Variants in EIPR1 observed in about 807,000 individuals in gnomAD.
EIPR1 encodes EARP and GARP complex-interacting protein 1.
Under a neutral mutation model 48.1 loss-of-function variants are expected in EIPR1, and 25 were observed. The observed-to-expected ratio is 0.52, with a 90% CI of 0.38 to 0.73. The LOEUF is 0.73. Ranked by LOEUF, EIPR1 falls within the 30% of genes least tolerant of loss-of-function variation. EIPR1 has a pLI of 0.00. For missense variants in EIPR1, 415 were observed against 506.2 expected, an observed-to-expected ratio of 0.82 and a Z score of 1.73; for synonymous variants, 204 against 201.9, an observed-to-expected ratio of 1.01 and a Z score of -0.09.
intron 3 of EIPR1, among the ~76,000 whole-genome samples, chr2:3,261,018 G>C (rs1230359983): frequency 6.6e-6 from 1 of 152,182 alleles, no homozygotes; most frequent in East Asian, 1.9e-4. Flanking sequence ...CTTAGAAGAA[G>C]CTGTCACAAA....
intron 3 of EIPR1, among the ~76,000 whole-genome samples, chr2:3,270,510 G>C (rs1010007512): frequency 6.6e-6 from 1 of 151,810 alleles, no homozygotes; most frequent in Admixed American, 6.6e-5. Flanking sequence ...TTGCAGGCTT[G>C]GTTCTAGACC....
intron 2 of EIPR1, among the ~76,000 whole-genome samples, chr2:3,342,105 CAAT>C (rs1472309811): frequency 2.6e-5 from 4 of 152,028 alleles, no homozygotes; most frequent in East Asian, 1.9e-4. Flanking sequence ...GAAACTGAAA[CAAT>C]AATTTGATTT....
intron 4 of EIPR1, among the ~76,000 whole-genome samples, chr2:3,237,263 CA>C (rs1666435778): frequency 6.0e-5 from 9 of 150,994 alleles, no homozygotes; most frequent in African/African-American, 1.7e-4. Flanking sequence ...CACACACACA[CA>C]CACACACCAT....
intron 3 of EIPR1, among the ~76,000 whole-genome samples, chr2:3,283,944 TAAAAAAAAAA>T (rs59593196): frequency 2.2e-5 from 2 of 92,906 alleles, no homozygotes; most frequent in East Asian, 2.6e-4. Flanking sequence ...AGACTACATC[TAAAAAAAAAA>T]AAAAAAAAAA....
intron 1 of EIPR1, among the ~76,000 whole-genome samples, chr2:3,361,322 C>G (rs1670846447): frequency 6.6e-6 from 1 of 152,072 alleles, no homozygotes; most frequent in East Asian, 1.9e-4. Context: ...AGCCCAACCC[C>G]CTAAGCTGCA....
chr2:3,319,144 C>T (rs1187170522), intron 3 of EIPR1: 2 of 345,514 alleles, frequency 5.8e-6, no homozygotes, highest in Non-Finnish European at 1.2e-5. Flanking sequence ...ACAATAGTTA[C>T]ATCTCCATCC....
intron 2 of EIPR1, among the ~76,000 whole-genome samples, chr2:3,343,770 C>T (rs1044662840): frequency 1.5e-4 from 23 of 152,032 alleles, no homozygotes; most frequent in African/African-American, 5.3e-4. Flanking sequence ...GCCAGGCTGC[C>T]GAGTACAGAG....
At chr2:3,370,527 A>C (rs1181072833) in intron 1 of EIPR1, among the ~76,000 whole-genome samples, 3 of 152,280 alleles carry the variant, frequency 2.0e-5, no homozygotes, top group South Asian at 2.1e-4. Flanking sequence ...AATAACCAAT[A>C]CAGAGAAGTG....
intron 1 of EIPR1, among the ~76,000 whole-genome samples, chr2:3,374,686 T>C (rs1347240233): frequency 2.0e-5 from 3 of 148,800 alleles, no homozygotes; most frequent in East Asian, 2.0e-4. Context: ...TGAGATACCA[T>C]CTCACACCAG....
At chr2:3,271,069 T>C (rs1263645481) in intron 3 of EIPR1, among the ~76,000 whole-genome samples, 2 of 152,228 alleles carry the variant, frequency 1.3e-5, no homozygotes, top group African/African-American at 4.8e-5. Context: ...AAGAAACCAC[T>C]TGCTTTGCTC....
At chr2:3,219,494 A>T (rs1408805275) in intron 4 of EIPR1, among the ~76,000 whole-genome samples, 1 of 127,168 alleles carries the variant, frequency 7.9e-6, no homozygotes, top group Non-Finnish European at 1.6e-5. Flanking sequence ...TACAGCCCTG[A>T]TATGCTCTAG....
intron 3 of EIPR1, among the ~76,000 whole-genome samples, chr2:3,275,789 G>A (rs896683892): frequency 6.6e-6 from 1 of 152,080 alleles, no homozygotes; most frequent in African/African-American, 2.4e-5. Flanking sequence ...AATTGAGGAT[G>A]TGCTGAAATC....
chr2:3,198,327 C>T (rs577602101), intron 5 of EIPR1, among the ~76,000 whole-genome samples: 11 of 152,232 alleles, frequency 7.2e-5, no homozygotes, highest in South Asian at 2.1e-4. Context: ...ATGGGCTGTG[C>T]GAGAGACTGA....
intron 1 of EIPR1, among the ~76,000 whole-genome samples, chr2:3,376,318 A>C (rs1659881087): frequency 6.6e-6 from 1 of 152,150 alleles, no homozygotes; most frequent in Non-Finnish European, 1.5e-5. Context: ...TAAGTGCTAG[A>C]GGCAGGATTT....
At chr2:3,241,997 G>A (rs981716787) in intron 4 of EIPR1, among the ~76,000 whole-genome samples, 11 of 152,160 alleles carry the variant, frequency 7.2e-5, no homozygotes, top group African/African-American at 2.2e-4. Context: ...GACTACATTC[G>A]ATGGTGTGCA....
chr2:3,283,326 A>G (rs1014345873), intron 3 of EIPR1, among the ~76,000 whole-genome samples: 1 of 152,178 alleles, frequency 6.6e-6, no homozygotes, highest in African/African-American at 2.4e-5. Context: ...GCCAAGTAAC[A>G]CTGCGCCAAC....
At chr2:3,353,761 C>CT (rs1670647806) in intron 2 of EIPR1, among the ~76,000 whole-genome samples, 1 of 152,120 alleles carries the variant, frequency 6.6e-6, no homozygotes, top group Admixed American at 6.5e-5. Flanking sequence ...GACTTTAAAT[C>CT]TTTATCGACA....
chr2:3,354,610 A>G lies in EIPR1; in HGVS notation c.66T>C (p.Thr22=), dbSNP rs752962603. ...AAAACCGAATGGCATCTGTTTCTGC[A>G]GTTTGAGGTGTTAAGGCACGTGCCT... ...EFQARALTPQ[T]AETDAIRFLV... The change falls in exon 2 of 9, where the codon ACT becomes ACC. Residue 22 remains threonine (T), a synonymous_variant. Transcript: ENST00000382125. 2 of 1,614,114 alleles carry G rather than the reference A, an allele frequency of 1.2e-6. No homozygotes were observed. Among genetic ancestry groups the G allele is most frequent in the South Asian group, 2.2e-5 (2 of 91,076 alleles).
At chr2:3,210,215 G>A (rs1665395869) in intron 5 of EIPR1, among the ~76,000 whole-genome samples, 1 of 151,828 alleles carries the variant, frequency 6.6e-6, no homozygotes, top group Non-Finnish European at 1.5e-5. Flanking sequence ...CTCTGAAAAA[G>A]ACCCTACTAA....
Sources: allele counts gnomAD v4.1 joint callset (sites outside exome capture counted in the v4.1 genomes callset), GRCh38; gene constraint gnomAD v4.1.1; transcripts MANE v1.5; gene names NCBI Gene and HGNC (gene_info 2026-07-23, HGNC 2026-07-21).